The following RBFOX2 variants were observed in gnomAD, a reference collection of about 807,000 sequenced individuals.
RBFOX2 encodes RNA binding protein fox-1 homolog 2.
In RBFOX2, 10 loss-of-function variants were observed where a neutral mutation model predicts 49.1. The observed-to-expected ratio is 0.20, with a 90% CI of 0.13 to 0.35. RBFOX2 has a LOEUF of 0.35. Ranked by LOEUF, RBFOX2 falls within the 10% of genes least tolerant of loss-of-function variation. RBFOX2 has a pLI of 1.00. For synonymous variants in RBFOX2, 183 were observed against 187.4 expected, an observed-to-expected ratio of 0.98 and a Z score of 0.19; for missense variants, 323 against 486.9, an observed-to-expected ratio of 0.66 and a Z score of 3.17.
intron 1 of RBFOX2, among the ~76,000 whole-genome samples, chr22:35,913,581 TAG>T (rs776490222): frequency 2.0e-5 from 3 of 151,178 alleles, no homozygotes; most frequent in Admixed American, 6.6e-5. Flanking sequence ...TATAGATGGA[TAG>T]AGATATACCG....
Position 35,782,926 on chromosome 22 carries a change from G to A in RBFOX2, c.253-1180C>T, listed in dbSNP as rs546090857. Among the ~76,000 whole-genome samples the A allele has an allele frequency of 3.6e-4, 55 of 151,854 alleles. 1 individual carries two copies. Among genetic ancestry groups the A allele is most frequent in the African/African-American group, 1.3e-3 (53 of 41,398 alleles). On this transcript the variant is annotated intron_variant, in intron 2 of 11. Coordinates refer to ENST00000405409, the Ensembl canonical transcript of RBFOX2. ...TGGGTTGTGCATGGTAACCCAATAC[G>A]CTCACACATGCACACAAGAATCACA...
At chr22:35,843,939 C>G (rs1471514800), upstream of RBFOX2, among the ~76,000 whole-genome samples, 1 of 152,200 alleles carries the variant, frequency 6.6e-6, no homozygotes, top group Non-Finnish European at 1.5e-5. Context: ...TCAAGGTGTT[C>G]CAACTCATTC....
intron 1 of RBFOX2, chr22:35,898,160 T>G: frequency 1.3e-6 from 1 of 745,144 alleles, no homozygotes; most frequent in African/African-American, 1.7e-5. Context: ...CGATAGGGTA[T>G]GATCACCTGT....
chr22:35,951,532 A>G (rs2054937101), intron 1 of RBFOX2, among the ~76,000 whole-genome samples: 2 of 152,174 alleles, frequency 1.3e-5, no homozygotes, highest in African/African-American at 2.4e-5. Flanking sequence ...GGCATAAGCC[A>G]CTGCGCCTGG....
chr22:35,809,963 C>T (rs769538173), exon 2 of RBFOX2: 15 of 1,614,126 alleles, frequency 9.3e-6, no homozygotes, highest in South Asian at 4.4e-5. Flanking sequence ...TAGTAAAAGG[C>T]TGAACCATTG....
intron 2 of RBFOX2, among the ~76,000 whole-genome samples, chr22:35,803,936 T>C (rs1950226124): frequency 6.6e-6 from 1 of 152,190 alleles, no homozygotes; most frequent in Non-Finnish European, 1.5e-5. Context: ...AGGTTCAGAC[T>C]GAATTTTTTT....
At chr22:35,983,784 C>T (rs928317597) in intron 1 of RBFOX2, among the ~76,000 whole-genome samples, 1 of 152,108 alleles carries the variant, frequency 6.6e-6, no homozygotes, top group East Asian at 1.9e-4. Flanking sequence ...AGAACTATGA[C>T]CCATGACCAT....
intron 1 of RBFOX2, among the ~76,000 whole-genome samples, chr22:35,863,056 C>A (rs748315688): frequency 2.0e-5 from 3 of 152,032 alleles, no homozygotes; most frequent in Non-Finnish European, 4.4e-5. Context: ...ATATAAAGAA[C>A]TAGGTAACTG....
chr22:35,780,977 A>G (rs1235092981), intron 3 of RBFOX2, among the ~76,000 whole-genome samples: 1 of 152,186 alleles, frequency 6.6e-6, no homozygotes, highest in Non-Finnish European at 1.5e-5. Flanking sequence ...AGATAAGAGG[A>G]GAGGAAGGCA....
intron 1 of RBFOX2, among the ~76,000 whole-genome samples, chr22:35,887,763 T>C (rs2046769656): frequency 6.6e-6 from 1 of 152,310 alleles, no homozygotes; most frequent in East Asian, 1.9e-4. Context: ...TGGCCTTCTT[T>C]TTGAAGTCTT....
At chr22:35,937,393 T>G (rs1008747796) in intron 1 of RBFOX2, among the ~76,000 whole-genome samples, 4 of 152,160 alleles carry the variant, frequency 2.6e-5, no homozygotes, top group African/African-American at 7.2e-5. Context: ...TCAACAGTGA[T>G]GAACTCAGTA....
chr22:35,931,802 A>C (rs1827422224), intron 1 of RBFOX2, among the ~76,000 whole-genome samples: 1 of 152,168 alleles, frequency 6.6e-6, no homozygotes, highest in Non-Finnish European at 1.5e-5. Context: ...AGGTTTCTTT[A>C]AGGTTGCATT....
At position 35,885,558 on chromosome 22, in the gene RBFOX2, C is replaced by T. The variant is rs569133137; in HGVS notation, c.-34+53289G>A. Among the ~76,000 whole-genome samples the T allele has an allele frequency of 1.2e-4, 18 of 152,130 alleles. 1 individual carries two copies. In the South Asian group the frequency reaches 3.5e-3, roughly 30 times the overall value. On this transcript the variant is annotated intron_variant, in intron 1 of 13. Coordinates refer to the RBFOX2 transcript ENST00000359369. ...GCGTATGATGAGAAACACAATGAAA[C>T]CATAGTCAGTTTTCTGATTTTCATG... is the stretch of plus-strand genomic sequence containing the variant.
At chr22:35,896,871 T>C (rs1470898847) in intron 1 of RBFOX2, among the ~76,000 whole-genome samples, 8 of 152,174 alleles carry the variant, frequency 5.3e-5, no homozygotes, top group Non-Finnish European at 1.0e-4. Flanking sequence ...ATAGCCTGTT[T>C]TCTAAATAAA....
intron 1 of RBFOX2, among the ~76,000 whole-genome samples, chr22:35,813,153 T>C (rs1311943797): frequency 6.6e-6 from 1 of 152,228 alleles, no homozygotes; most frequent in Non-Finnish European, 1.5e-5. Context: ...ATTGTTTATA[T>C]ATTAAGGGAA....
rs997813386 is a variant in RBFOX2, at chr22:35,823,072, C to T, written c.28-13068G>A. ...CTGACCTCAGGTGATCCGCCCGCCTCGGCCTCCCAAAGTGCTGAGATTACA... is the reference window on the plus strand; with the variant it reads ...CTGACCTCAGGTGATCCGCCCGCCTTGGCCTCCCAAAGTGCTGAGATTACA... On this transcript the variant is annotated intron_variant, in intron 1 of 11. Coordinates refer to ENST00000405409, the Ensembl canonical transcript of RBFOX2. Among the ~76,000 whole-genome samples the T allele has an allele frequency of 4.6e-5, 7 of 152,140 alleles. No individual in the cohort carries two copies. In the East Asian group the frequency reaches 5.8e-4, roughly 13 times the overall value.
At chr22:35,821,400 G>A (rs1007191853) in intron 1 of RBFOX2, among the ~76,000 whole-genome samples, 4 of 151,766 alleles carry the variant, frequency 2.6e-5, no homozygotes, top group Non-Finnish European at 4.4e-5. Context: ...TCAGGAGTTC[G>A]AGACCAGCCT....
At chr22:35,989,975 A>T (rs1375719500) in intron 1 of RBFOX2, among the ~76,000 whole-genome samples, 2 of 152,178 alleles carry the variant, frequency 1.3e-5, no homozygotes, top group Admixed American at 6.5e-5. Context: ...GGAGGTCAGG[A>T]GTTCGAGACC....
At chr22:35,897,417 A>G in intron 1 of RBFOX2, 1 of 894,002 alleles carries the variant, frequency 1.1e-6, no homozygotes, top group Non-Finnish European at 1.9e-6. Flanking sequence ...AGACAAGGTC[A>G]TGTCTGTGAT....
Sources: allele counts gnomAD v4.1 joint callset (sites outside exome capture counted in the v4.1 genomes callset), GRCh38; gene constraint gnomAD v4.1.1; transcripts MANE v1.5; gene names NCBI Gene and HGNC (gene_info 2026-07-23, HGNC 2026-07-21).